The following DSCAML1 variants were observed in gnomAD, a reference collection of about 807,000 sequenced individuals.
DSCAML1 encodes DS cell adhesion molecule like 1.
Under a neutral mutation model 200.5 loss-of-function variants are expected in DSCAML1, and 38 were observed. The ratio of observed to expected loss-of-function variants is 0.19; its 90% CI spans 0.15 to 0.25. The LOEUF is 0.25. Among genes scored for constraint, DSCAML1 ranks in the 10% least tolerant of loss-of-function variants. The pLI is 1.00. For missense variants in DSCAML1, 2,223 were observed against 2,858.8 expected, an observed-to-expected ratio of 0.78 and a Z score of 5.07; for synonymous variants, 1,215 against 1,165.0, an observed-to-expected ratio of 1.04 and a Z score of -0.87.
At chr11:117,624,168 C>T (rs1486854056) in intron 3 of DSCAML1, among the ~76,000 whole-genome samples, 2 of 152,132 alleles carry the variant, frequency 1.3e-5, no homozygotes, top group Non-Finnish European at 2.9e-5. Context: ...CTTGCAAAGC[C>T]ACCCACCAGC....
Position 117,532,563 on chromosome 11 carries a change from T to G in DSCAML1, c.512-41A>C. 3 of 1,593,246 alleles carry G rather than the reference T, an allele frequency of 1.9e-6. No homozygotes were observed. The South Asian group carries it at 3.5e-5, about 18-fold the overall frequency. On this transcript the variant is annotated intron_variant, in intron 3 of 32. Coordinates refer to ENST00000651296, the MANE Select transcript of DSCAML1 (RefSeq NM_020693.4). Reference sequence around the variant, plus strand: ...GGACATAGTTCGTTACTTCCCGGTTTCGTACAGCCTCAGAGGCAGGGTAGC... The same window carrying G: ...GGACATAGTTCGTTACTTCCCGGTTGCGTACAGCCTCAGAGGCAGGGTAGC...
chr11:117,610,269 G>A (rs943833995), intron 3 of DSCAML1, among the ~76,000 whole-genome samples: 2 of 152,012 alleles, frequency 1.3e-5, no homozygotes, highest in African/African-American at 2.4e-5. Flanking sequence ...AGTTCCTCCC[G>A]CCCCCTTTTG....
chr11:117,478,171 G>A (rs1356068997), intron 14 of DSCAML1, among the ~76,000 whole-genome samples: 1 of 152,190 alleles, frequency 6.6e-6, no homozygotes, highest in East Asian at 1.9e-4. Flanking sequence ...CTGCTGAGGG[G>A]TGCCCCAGGA....
chr11:117,532,313 C>T, intron 4 of DSCAML1, 63 bp downstream of exon 4: 1 of 1,545,096 alleles, frequency 6.5e-7, no homozygotes, highest in Non-Finnish European at 8.8e-7. Context: ...TGCCAAGTTC[C>T]AGGGATGGCC....
At chr11:117,517,814 A>G (rs544165344) in intron 7 of DSCAML1, among the ~76,000 whole-genome samples, 5 of 152,216 alleles carry the variant, frequency 3.3e-5, no homozygotes, top group Non-Finnish European at 7.3e-5. Context: ...TTCTCACCAC[A>G]GTGACTTGAA....
chr11:117,792,379 G>A (rs187015917), intron 1 of DSCAML1, among the ~76,000 whole-genome samples: 7 of 152,126 alleles, frequency 4.6e-5, no homozygotes, highest in Admixed American at 2.6e-4. Flanking sequence ...CAGCTGGCTC[G>A]CTGGGAGGGG....
At chr11:117,526,383 G>A (rs2049979715) in intron 4 of DSCAML1, among the ~76,000 whole-genome samples, 1 of 152,136 alleles carries the variant, frequency 6.6e-6, no homozygotes, top group African/African-American at 2.4e-5. Context: ...GCTCTGCCTG[G>A]CCAGCTCCTA....
chr11:117,456,322 C>A (rs371449531), intron 19 of DSCAML1, among the ~76,000 whole-genome samples: 1 of 152,300 alleles, frequency 6.6e-6, no homozygotes, highest in East Asian at 1.9e-4. Flanking sequence ...GGACTTCTTG[C>A]TATGTGTGAT....
At chr11:117,439,040 G>A in intron 23 of DSCAML1, 57 bp from the exon 24 acceptor site, 1 of 1,506,150 alleles carries the variant, frequency 6.6e-7, no homozygotes, top group East Asian at 2.3e-5. Flanking sequence ...GATGGGGTGT[G>A]GGGAGTCCCC....
chr11:117,441,982 A>T (rs1055913148), intron 21 of DSCAML1, among the ~76,000 whole-genome samples: 1 of 151,346 alleles, frequency 6.6e-6, no homozygotes, highest in South Asian at 2.1e-4. Context: ...GTGTGTGCAT[A>T]TGTGTGTGTA....
chr11:117,540,473 T>G (rs545939408), intron 3 of DSCAML1, among the ~76,000 whole-genome samples: 1 of 152,308 alleles, frequency 6.6e-6, no homozygotes, highest in Non-Finnish European at 1.5e-5. Context: ...GAATGGAGTT[T>G]CAGTTTTACA....
chr11:117,516,675 G>A lies in DSCAML1; in HGVS notation c.1575C>T (p.Asn525=), dbSNP rs141482670. The change falls in exon 8 of 33, where the codon AAC becomes AAT. Residue 525 remains asparagine (N), a synonymous_variant. Coordinates refer to ENST00000651296, the MANE Select transcript of DSCAML1 (RefSeq NM_020693.4). This position sits in a 1 kb window ranked among gnomAD's most constrained non-coding sequence, Gnocchi z 5.7. ...AGTAGGGATAGCCGATGACCCTGCA[G>A]TTGATAAGGGTGTCCCGCCCGGCGA... ...TAVAGRDTLI[N]CRVIGYPYYS... The A allele has an allele frequency of 1.9e-4, 302 of 1,614,142 alleles. No individual in the cohort carries two copies. In the African/African-American group the frequency reaches 3.6e-3, roughly 19 times the overall value.
chr11:117,691,744 C>G (rs910488691), intron 3 of DSCAML1, among the ~76,000 whole-genome samples: 1 of 152,136 alleles, frequency 6.6e-6, no homozygotes, highest in Non-Finnish European at 1.5e-5. Context: ...GAAAAAGGAA[C>G]AGGGGAGGGG....
chr11:117,781,027 C>T (rs941736234), intron 1 of DSCAML1, among the ~76,000 whole-genome samples: 4 of 152,120 alleles, frequency 2.6e-5, no homozygotes, highest in African/African-American at 9.7e-5. Context: ...TCGGGTGCGG[C>T]GGCTCATGCC....
intron 3 of DSCAML1, among the ~76,000 whole-genome samples, chr11:117,549,685 C>T (rs2050436886): frequency 6.6e-6 from 1 of 152,214 alleles, no homozygotes; most frequent in South Asian, 2.1e-4. Flanking sequence ...CATCGGTACA[C>T]TCCGGAGCTT....
intron 3 of DSCAML1, among the ~76,000 whole-genome samples, chr11:117,741,109 C>T (rs1298785338): frequency 2.6e-5 from 4 of 152,226 alleles, no homozygotes; most frequent in Non-Finnish European, 5.9e-5. Flanking sequence ...GTGCTTTTGA[C>T]AGAGATGGTC....
Position 117,806,278 on chromosome 11 carries a change from G to C in DSCAML1, c.-250+11112C>G, listed in dbSNP as rs549088723. On this transcript the variant is annotated intron_variant, in intron 1 of 2. Coordinates refer to the DSCAML1 transcript ENST00000525836. ...AGGATGTGAGTTGGGCTTGAGCAAT[G>C]GGAAGGATATGCAGAGAGGCAGGGA... 2.5e-4 allele frequency among the ~76,000 whole-genome samples: 38 copies of C among 152,306 alleles called. No homozygotes were observed. The South Asian group carries it at 3.5e-3, about 14-fold the overall frequency.
At chr11:117,531,558 T>C (rs2050076553) in intron 4 of DSCAML1, among the ~76,000 whole-genome samples, 1 of 152,186 alleles carries the variant, frequency 6.6e-6, no homozygotes, top group Non-Finnish European at 1.5e-5. Flanking sequence ...AGGTGGCCTA[T>C]GACAAAAGAT....
At chr11:117,478,193 G>A (rs2048835532) in intron 14 of DSCAML1, among the ~76,000 whole-genome samples, 1 of 152,200 alleles carries the variant, frequency 6.6e-6, no homozygotes, top group Non-Finnish European at 1.5e-5. Context: ...AGGCTCCCAC[G>A]CATTAGAGAC....
Sources: allele counts gnomAD v4.1 joint callset (sites outside exome capture counted in the v4.1 genomes callset), GRCh38; gene constraint gnomAD v4.1.1; non-coding constraint Gnocchi (gnomAD v3.1); transcripts MANE v1.5; gene names NCBI Gene and HGNC (gene_info 2026-07-23, HGNC 2026-07-21).